Variants in PIP5K1B observed in about 807,000 individuals in gnomAD.
PIP5K1B encodes the protein phosphatidylinositol-4-phosphate 5-kinase type 1 beta.
PIP5K1B carries 42 observed loss-of-function variants against 67.0 expected under a neutral mutation model. That is an observed-to-expected ratio of 0.63 (90% CI 0.49 to 0.81). The LOEUF is 0.81. Among genes scored for constraint, PIP5K1B ranks in the 30% least tolerant of loss-of-function variants. The probability of loss-of-function intolerance (pLI) is 0.00; values close to 1 mark genes in which losing one functional copy is unlikely to be tolerated. For missense variants in PIP5K1B, 459 were observed against 646.3 expected (o/e 0.71, Z 3.14); for synonymous variants, 214 against 231.4 (o/e 0.92, Z 0.68).
At chr9:68,810,958 G>A (rs1248975530) in intron 2 of PIP5K1B, among the ~76,000 whole-genome samples, 2 of 152,166 alleles carry the variant, frequency 1.3e-5, no homozygotes, top group African/African-American at 2.4e-5. Context: ...GGTGTATGGT[G>A]GAAAGAGCAT....
chr9:68,935,480 A>AAAT (rs1298227336), intron 13 of PIP5K1B, among the ~76,000 whole-genome samples: 1 of 152,154 alleles, frequency 6.6e-6, no homozygotes, highest in African/African-American at 2.4e-5. Flanking sequence ...ATAAATAAAT[A>AAAT]AATAAATAGG....
chr9:69,008,342 C>T, intron 15 of PIP5K1B, 105 bp from the exon 16 acceptor site: 1 of 975,946 alleles, frequency 1.0e-6, no homozygotes, highest in Non-Finnish European at 1.7e-6. Flanking sequence ...ATTTTCCAGA[C>T]ACAAGTGATT....
chr9:68,820,309 T>C (rs756864144), intron 3 of PIP5K1B, among the ~76,000 whole-genome samples: 22 of 152,350 alleles, frequency 1.4e-4, no homozygotes, highest in East Asian at 7.7e-4. Flanking sequence ...AAATGAATTA[T>C]TCTTTAAGTC....
intron 2 of PIP5K1B, among the ~76,000 whole-genome samples, chr9:68,758,503 A>G (rs138707635): frequency 1.2e-4 from 18 of 152,326 alleles, no homozygotes; most frequent in Middle Eastern, 3.4e-3. Context: ...ATAACTGAAC[A>G]GAGGTGAAAG....
Position 68,811,885 on chromosome 9 carries a change from T to C in PIP5K1B, c.-85-6576T>C, listed in dbSNP as rs1833187165. Among the ~76,000 whole-genome samples, 4 of 152,310 alleles carry C rather than the reference T, an allele frequency of 2.6e-5. No homozygotes were observed. The South Asian group carries it at 8.3e-4, about 32-fold the overall frequency. Reference sequence around the variant, plus strand: ...ACAGTAGCTTAGATGATCCCAAGCCTGTGAAGCGTGCTGAAAATACTGACT... The same window carrying C: ...ACAGTAGCTTAGATGATCCCAAGCCCGTGAAGCGTGCTGAAAATACTGACT... On this transcript the variant is annotated intron_variant, in intron 2 of 15. Coordinates refer to ENST00000265382, the MANE Select transcript of PIP5K1B (RefSeq NM_003558.4).
intron 15 of PIP5K1B, among the ~76,000 whole-genome samples, chr9:69,004,337 TTG>T (rs56680798): frequency 0.028 from 4,184 of 148,282 alleles, 160 homozygotes; most frequent in African/African-American, 0.091. Context: ...GTGTGTGTTT[TTG>T]TGTGTGTGTG....
In PIP5K1B at chr9:68,991,523, C is replaced by T. The variant is rs149575088; in HGVS notation, c.1620+266C>T. On this transcript the variant is annotated intron_variant, in intron 15 of 15. Coordinates refer to ENST00000265382, the MANE Select transcript of PIP5K1B (RefSeq NM_003558.4). ...CTAATGTTGAGGCAAAGTAGGGCTC[C>T]TTAGTGTTATTCCCAGCGAGGAAAT... 2.6e-3 allele frequency among the ~76,000 whole-genome samples: 397 copies of T among 152,306 alleles called. 1 individual carries two copies. Among genetic ancestry groups the T allele is most frequent in the African/African-American group, 8.9e-3 (370 of 41,568 alleles).
intron 9 of PIP5K1B, among the ~76,000 whole-genome samples, chr9:68,918,146 G>A (rs939203338): frequency 4.0e-5 from 6 of 149,434 alleles, no homozygotes; most frequent in Non-Finnish European, 8.9e-5. Flanking sequence ...CTAGAGGGCA[G>A]TGGTGCCATC....
intron 2 of PIP5K1B, chr9:68,779,990 C>A: frequency 8.7e-6 from 7 of 806,438 alleles, no homozygotes; most frequent in South Asian, 5.9e-5. Flanking sequence ...ACGCATTAAG[C>A]AGGCGCCGCG....
At chr9:68,802,130 T>G (rs999170918) in intron 2 of PIP5K1B, among the ~76,000 whole-genome samples, 1 of 152,226 alleles carries the variant, frequency 6.6e-6, no homozygotes, top group African/African-American at 2.4e-5. Flanking sequence ...AAACTGAAAC[T>G]TTATGGAATG....
At chr9:68,737,623 C>T (rs1828802904) in intron 1 of PIP5K1B, among the ~76,000 whole-genome samples, 1 of 152,190 alleles carries the variant, frequency 6.6e-6, no homozygotes, top group Non-Finnish European at 1.5e-5. Flanking sequence ...ATCTTTGAGC[C>T]ATTGCTGGTG....
rs371072852 is a variant in PIP5K1B, at chr9:68,995,586, A to G, written c.1620+4329A>G. On this transcript the variant is annotated intron_variant, in intron 15 of 15. Transcript: ENST00000265382. ...TTTGGGAGGCCGAGGCGGGCAGATC[A>G]CCTGAGGTCGGGAATTCGAGACCAG... Among the ~76,000 whole-genome samples, 7 of 152,104 alleles carry G rather than the reference A, an allele frequency of 4.6e-5. No homozygotes were observed. In the East Asian group the frequency reaches 9.6e-4, roughly 21 times the overall value.
chr9:68,800,307 C>T (rs1243272614), intron 2 of PIP5K1B, among the ~76,000 whole-genome samples: 2 of 152,210 alleles, frequency 1.3e-5, no homozygotes, highest in African/African-American at 4.8e-5. Flanking sequence ...TAGACCTTGC[C>T]TTTCGAATGC....
chr9:68,933,236 T>G (rs1827092630), intron 12 of PIP5K1B, among the ~76,000 whole-genome samples: 1 of 152,072 alleles, frequency 6.6e-6, no homozygotes, highest in Non-Finnish European at 1.5e-5. Context: ...CATGTATACC[T>G]ATGTAACAAA....
intron 1 of PIP5K1B, among the ~76,000 whole-genome samples, chr9:68,728,526 C>G (rs1259527125): frequency 6.6e-6 from 1 of 151,928 alleles, no homozygotes; most frequent in African/African-American, 2.4e-5. Flanking sequence ...ACATTCAGTT[C>G]ATAACAGATG....
intron 10 of PIP5K1B, 57 bp downstream of exon 10, chr9:68,919,619 T>C: frequency 7.0e-7 from 1 of 1,422,618 alleles, no homozygotes; most frequent in Non-Finnish European, 9.9e-7. Context: ...CAAAAGGTTC[T>C]GAAAAATCAC....
At chr9:68,856,359 C>G (rs1294383079) in intron 4 of PIP5K1B, among the ~76,000 whole-genome samples, 1 of 152,200 alleles carries the variant, frequency 6.6e-6, no homozygotes, top group African/African-American at 2.4e-5. Flanking sequence ...GGGCAAGACT[C>G]TGTTCAGGTC....
intron 8 of PIP5K1B, among the ~76,000 whole-genome samples, chr9:68,895,298 A>AT (rs574443843): frequency 1.3e-5 from 2 of 150,858 alleles, no homozygotes; most frequent in African/African-American, 2.4e-5. Context: ...CTAAGGGAAG[A>AT]TTTTTTCTAA....
chr9:68,722,850 TATC>T (rs1378149091), intron 1 of PIP5K1B, among the ~76,000 whole-genome samples: 2 of 152,110 alleles, frequency 1.3e-5, no homozygotes, highest in Non-Finnish European at 2.9e-5. Flanking sequence ...TACAATAAAT[TATC>T]ATTAACTATA....
Sources: gnomAD v4.1 joint callset for allele counts (sites outside exome capture counted in the v4.1 genomes callset) on GRCh38, gnomAD v4.1.1 for gene constraint, MANE v1.5 for transcripts, NCBI Gene and HGNC (gene_info 2026-07-23, HGNC 2026-07-21) for gene names.